Variants in TENM2 observed in about 807,000 individuals in gnomAD.
TENM2 encodes teneurin-2.
A neutral mutation model predicts 245.2 loss-of-function variants in TENM2; 52 were observed. That is an observed-to-expected ratio of 0.21 (90% CI 0.17 to 0.27). The LOEUF (loss-of-function observed/expected upper bound fraction) is 0.27, where lower values mean the gene tolerates loss of function less well. Ranked by LOEUF, TENM2 falls within the 10% of genes least tolerant of loss-of-function variation. The pLI is 1.00. For synonymous variants in TENM2, 1,363 were observed against 1,438.9 expected, an observed-to-expected ratio of 0.95 and a Z score of 1.19; for missense variants, 3,046 against 3,666.8, an observed-to-expected ratio of 0.83 and a Z score of 4.37.
chr5:167,062,912 A>C, the TENM2 span, among the ~76,000 whole-genome samples: 1 of 152,184 alleles, frequency 6.6e-6, no homozygotes, highest in Non-Finnish European at 1.5e-5. Context: ...TACAGGAAGG[A>C]TACAGAAAGA....
the TENM2 span, among the ~76,000 whole-genome samples, chr5:166,996,001 TATTA>T: frequency 6.6e-6 from 1 of 151,964 alleles, no homozygotes; most frequent in African/African-American, 2.4e-5. Context: ...TTATGATTCA[TATTA>T]ATTAAAAAAT....
Position 167,970,592 on chromosome 5 carries a change from A to G in TENM2, c.947+17770A>G, listed in dbSNP as rs540840748. 3.7e-4 allele frequency among the ~76,000 whole-genome samples: 57 copies of G among 152,306 alleles called. 1 individual carries two copies. The South Asian group carries it at 4.4e-3, about 12-fold the overall frequency. On this transcript the variant is annotated intron_variant, in intron 4 of 28. Coordinates refer to ENST00000518659, the Ensembl canonical transcript of TENM2. ...CCATGAATGGGAAACATTTAACTCC[A>G]TGCTTCAAGCTCCTAATATTCTCAG...
intron 26 of TENM2, among the ~76,000 whole-genome samples, chr5:168,245,855 C>A (rs552140364): frequency 1.3e-5 from 2 of 152,268 alleles, no homozygotes; most frequent in African/African-American, 4.8e-5. Flanking sequence ...GAGCAGGAAC[C>A]TCCCAATTGC....
At chr5:167,676,660 A>T (rs1756351343) in intron 2 of TENM2, among the ~76,000 whole-genome samples, 1 of 151,980 alleles carries the variant, frequency 6.6e-6, no homozygotes, top group South Asian at 2.1e-4. Flanking sequence ...CTGTTTCAGA[A>T]GCTGAAAAGG....
At chr5:167,041,556 A>G in the TENM2 span, among the ~76,000 whole-genome samples, 1 of 152,234 alleles carries the variant, frequency 6.6e-6, no homozygotes, top group Non-Finnish European at 1.5e-5. Flanking sequence ...AGAAACATCA[A>G]AATGTTGTGA....
At chr5:168,220,676 GACAC>G (rs1052413967) in intron 23 of TENM2, among the ~76,000 whole-genome samples, 1 of 152,134 alleles carries the variant, frequency 6.6e-6, no homozygotes, top group Non-Finnish European at 1.5e-5. Context: ...CCAATTGGAA[GACAC>G]ACAGCCAACT....
intron 3 of TENM2, among the ~76,000 whole-genome samples, chr5:167,932,109 A>T (rs1479260840): frequency 1.3e-5 from 2 of 152,224 alleles, no homozygotes; most frequent in African/African-American, 2.4e-5. Context: ...CTGCAGGTGC[A>T]GGAGGGGGAG....
chr5:167,409,095 A>G (rs1009870998), intron 2 of TENM2, among the ~76,000 whole-genome samples: 1 of 151,910 alleles, frequency 6.6e-6, no homozygotes, highest in Non-Finnish European at 1.5e-5. Flanking sequence ...CTTGGGAAAT[A>G]TATTGATGGT....
At chr5:167,692,250 A>G (rs1204375561) in intron 2 of TENM2, among the ~76,000 whole-genome samples, 2 of 152,202 alleles carry the variant, frequency 1.3e-5, no homozygotes, top group Non-Finnish European at 2.9e-5. Context: ...TATTAGGTCA[A>G]TAATTATTAA....
At chr5:167,533,354 G>A (rs1286906388) in intron 2 of TENM2, among the ~76,000 whole-genome samples, 1 of 152,166 alleles carries the variant, frequency 6.6e-6, no homozygotes, top group Non-Finnish European at 1.5e-5. Context: ...TATTTGTACA[G>A]GCTTGAGTAC....
At chr5:167,552,919 TAATG>T (rs10657967) in intron 2 of TENM2, among the ~76,000 whole-genome samples, 6,238 of 150,658 alleles carry the variant, frequency 0.041, 329 homozygotes, top group African/African-American at 0.12. Flanking sequence ...GGTAAGTTAA[TAATG>T]AATGAATGAA....
At chr5:167,539,160 C>G (rs1235948890) in intron 2 of TENM2, among the ~76,000 whole-genome samples, 1 of 151,990 alleles carries the variant, frequency 6.6e-6, no homozygotes, top group Non-Finnish European at 1.5e-5. Flanking sequence ...AACTGAAATA[C>G]TTTATTATTA....
At chr5:167,409,036 A>G (rs1343615800) in intron 2 of TENM2, among the ~76,000 whole-genome samples, 1 of 151,648 alleles carries the variant, frequency 6.6e-6, no homozygotes, top group African/African-American at 2.4e-5. Context: ...TTAATATACT[A>G]AGGTAACCTC....
intron 2 of TENM2, among the ~76,000 whole-genome samples, chr5:167,707,013 T>TA (rs34373602): frequency 0.12 from 8,705 of 69,974 alleles, 595 homozygotes; most frequent in African/African-American, 0.24. Flanking sequence ...AGACTCCGCC[T>TA]AAAAAAAAAA....
At chr5:168,093,394 A>G (rs1346809379) in intron 8 of TENM2, among the ~76,000 whole-genome samples, 1 of 152,210 alleles carries the variant, frequency 6.6e-6, no homozygotes, top group African/African-American at 2.4e-5. Context: ...TGGAGCAATG[A>G]TAGTAATTGG....
chr5:167,595,641 A>G (rs1776152999), intron 2 of TENM2, among the ~76,000 whole-genome samples: 1 of 152,258 alleles, frequency 6.6e-6, no homozygotes, highest in African/African-American at 2.4e-5. Flanking sequence ...TTAGTTGTTT[A>G]GTATTCCTTT....
At chr5:167,363,435 T>A (rs989208470) in intron 1 of TENM2, among the ~76,000 whole-genome samples, 1 of 151,982 alleles carries the variant, frequency 6.6e-6, no homozygotes, top group Non-Finnish European at 1.5e-5. Context: ...AAATTAAATA[T>A]AATTAAGTAT....
At chr5:167,549,979 G>A (rs1002366685) in intron 2 of TENM2, among the ~76,000 whole-genome samples, 5 of 152,132 alleles carry the variant, frequency 3.3e-5, no homozygotes, top group African/African-American at 1.2e-4. Context: ...GGAATTGAGA[G>A]GATTTTGTGC....
At chr5:167,976,837 A>G (rs537955735) in intron 4 of TENM2, among the ~76,000 whole-genome samples, 14 of 152,350 alleles carry the variant, frequency 9.2e-5, no homozygotes, top group African/African-American at 3.4e-4. Context: ...CCAAATGAAT[A>G]TAAATTATTC....
Sources: gnomAD v4.1 joint callset for allele counts (sites outside exome capture counted in the v4.1 genomes callset) on GRCh38, gnomAD v4.1.1 for gene constraint, MANE v1.5 for transcripts, NCBI Gene and HGNC (gene_info 2026-07-23, HGNC 2026-07-21) for gene names.